SSBP2: variants seen among roughly 807,000 people sequenced by gnomAD.
The protein encoded by SSBP2 is single stranded DNA binding protein 2.
A neutral mutation model predicts 61.8 loss-of-function variants in SSBP2; 17 were observed. The ratio of observed to expected loss-of-function variants is 0.28; its 90% CI spans 0.19 to 0.41. SSBP2 has a LOEUF of 0.41. Ranked by LOEUF, SSBP2 falls within the 10% of genes least tolerant of loss-of-function variation. The probability of loss-of-function intolerance (pLI) is 1.00; values close to 1 mark genes in which losing one functional copy is unlikely to be tolerated. For missense variants in SSBP2, 310 were observed against 458.7 expected, an observed-to-expected ratio of 0.68 and a Z score of 2.96; for synonymous variants, 139 against 141.3, an observed-to-expected ratio of 0.98 and a Z score of 0.12.
At chr5:81,569,662 A>G (rs62368675) in intron 4 of SSBP2, among the ~76,000 whole-genome samples, 52,333 of 151,952 alleles carry the variant, frequency 0.34, 9,652 homozygotes, top group African/African-American at 0.49. Context: ...CAAACAACTA[A>G]CTCAATCTTT....
chr5:81,688,979 CACAG>C (rs1753016917), intron 1 of SSBP2, among the ~76,000 whole-genome samples: 5 of 151,744 alleles, frequency 3.3e-5, no homozygotes, highest in Admixed American at 3.3e-4. Context: ...TTAAAGAAAA[CACAG>C]AGAAGGAACT....
At chr5:81,642,279 C>A (rs1371129947) in intron 2 of SSBP2, among the ~76,000 whole-genome samples, 1 of 152,096 alleles carries the variant, frequency 6.6e-6, no homozygotes, top group Non-Finnish European at 1.5e-5. Context: ...GTTTCTTTTT[C>A]TTCCATTATC....
At chr5:81,504,271 C>A (rs1200914155) in intron 5 of SSBP2, among the ~76,000 whole-genome samples, 1 of 152,176 alleles carries the variant, frequency 6.6e-6, no homozygotes, top group African/African-American at 2.4e-5. Context: ...CTCCTTGTTT[C>A]CACACTTTCT....
At chr5:81,664,445 C>G (rs1028774984) in intron 1 of SSBP2, among the ~76,000 whole-genome samples, 1 of 152,108 alleles carries the variant, frequency 6.6e-6, no homozygotes, top group African/African-American at 2.4e-5. Context: ...TTGTTAATCT[C>G]TGTATCTTCA....
intron 16 of SSBP2, among the ~76,000 whole-genome samples, chr5:81,425,812 G>T (rs1462007292): frequency 6.6e-6 from 1 of 152,040 alleles, no homozygotes; most frequent in African/African-American, 2.4e-5. Context: ...ATGACTTTGG[G>T]CTGGGCATTT....
At chr5:81,623,331 C>CTTTTT (rs35687529) in intron 3 of SSBP2, among the ~76,000 whole-genome samples, 10 of 110,574 alleles carry the variant, frequency 9.0e-5, no homozygotes, top group Non-Finnish European at 1.3e-4. Flanking sequence ...CATTGTAGTA[C>CTTTTT]TTTTTTTTTT....
At chr5:81,562,906 A>T (rs1773159545) in intron 4 of SSBP2, among the ~76,000 whole-genome samples, 1 of 152,212 alleles carries the variant, frequency 6.6e-6, no homozygotes, top group African/African-American at 2.4e-5. Flanking sequence ...TGAAGATTTA[A>T]ATAAATGGAG....
chr5:81,425,781 C>G (rs1171601484), intron 16 of SSBP2, among the ~76,000 whole-genome samples: 1 of 151,090 alleles, frequency 6.6e-6, no homozygotes, highest in Non-Finnish European at 1.5e-5. Context: ...TTTTGTCAAG[C>G]ATGTTGGCAC....
At chr5:81,633,607 G>C (rs1042407306) in intron 3 of SSBP2, among the ~76,000 whole-genome samples, 1 of 152,074 alleles carries the variant, frequency 6.6e-6, no homozygotes, top group Non-Finnish European at 1.5e-5. Flanking sequence ...CTGGGTTCAA[G>C]TGATCCTCCC....
At chr5:81,726,015 A>G (rs1755861154) in intron 1 of SSBP2, among the ~76,000 whole-genome samples, 1 of 152,232 alleles carries the variant, frequency 6.6e-6, no homozygotes, top group African/African-American at 2.4e-5. Flanking sequence ...TAAATTAAAA[A>G]TATGTGTGCA....
intron 1 of SSBP2, among the ~76,000 whole-genome samples, chr5:81,677,042 T>C (rs1404444760): frequency 1.3e-5 from 2 of 152,224 alleles, no homozygotes; most frequent in East Asian, 3.8e-4. Flanking sequence ...TAAAGTGTTA[T>C]GATCTTCCAT....
intron 5 of SSBP2, among the ~76,000 whole-genome samples, chr5:81,493,201 TTCAAAAACATATATATATC>T (rs1766993275): frequency 1.3e-5 from 2 of 151,582 alleles, no homozygotes; most frequent in African/African-American, 2.4e-5. Context: ...TATATATATA[TTCAAAAACATATATATATC>T]AAAAACATAT....
chr5:81,569,230 A>G (rs1318666056), intron 4 of SSBP2, among the ~76,000 whole-genome samples: 1 of 152,228 alleles, frequency 6.6e-6, no homozygotes, highest in African/African-American at 2.4e-5. Flanking sequence ...GAGTTCTGAC[A>G]AAAGCATAGT....
intron 1 of SSBP2, among the ~76,000 whole-genome samples, chr5:81,706,568 T>C (rs1754411412): frequency 6.6e-6 from 1 of 152,226 alleles, no homozygotes; most frequent in Non-Finnish European, 1.5e-5. Flanking sequence ...ATAAGGGATC[T>C]GGTTAAATGC....
chr5:81,731,055 T>C (rs568765300), intron 1 of SSBP2, among the ~76,000 whole-genome samples: 1 of 152,324 alleles, frequency 6.6e-6, no homozygotes, highest in East Asian at 1.9e-4. Flanking sequence ...TGAAACTCTA[T>C]ACGATTAAAC....
chr5:81,726,621 C>T (rs1755906648), intron 1 of SSBP2, among the ~76,000 whole-genome samples: 1 of 152,160 alleles, frequency 6.6e-6, no homozygotes, highest in South Asian at 2.1e-4. Context: ...AAATTAAATT[C>T]TATATAGTTT....
At chr5:81,464,885 A>G (rs1308492082) in intron 9 of SSBP2, among the ~76,000 whole-genome samples, 1 of 152,074 alleles carries the variant, frequency 6.6e-6, no homozygotes, top group Non-Finnish European at 1.5e-5. Context: ...CTTTGTTTTA[A>G]AGATAATACA....
At chr5:81,697,485 G>C (rs971269231) in intron 1 of SSBP2, among the ~76,000 whole-genome samples, 1 of 152,058 alleles carries the variant, frequency 6.6e-6, no homozygotes, top group Non-Finnish European at 1.5e-5. Context: ...TATTTATATG[G>C]AATGTTTCAT....
intron 4 of SSBP2, among the ~76,000 whole-genome samples, chr5:81,561,007 C>CTT (rs1420202864): frequency 6.6e-6 from 1 of 152,164 alleles, no homozygotes; most frequent in African/African-American, 2.4e-5. Context: ...CTGCTGCTGA[C>CTT]TTTAACACTA....
Sources: gnomAD v4.1 joint callset for allele counts (sites outside exome capture counted in the v4.1 genomes callset) on GRCh38, gnomAD v4.1.1 for gene constraint, MANE v1.5 for transcripts, NCBI Gene and HGNC (gene_info 2026-07-23, HGNC 2026-07-21) for gene names.